CHRM3: variants seen among roughly 807,000 people sequenced by gnomAD.
CHRM3 encodes muscarinic acetylcholine receptor M3.
Under a neutral mutation model 41.8 loss-of-function variants are expected in CHRM3, and 11 were observed. That is an observed-to-expected ratio of 0.26 (90% CI 0.17 to 0.44). CHRM3 has a LOEUF of 0.44. Among genes scored for constraint, CHRM3 ranks in the 20% least tolerant of loss-of-function variants. The probability of loss-of-function intolerance (pLI) is 1.00; values close to 1 mark genes in which losing one functional copy is unlikely to be tolerated. For synonymous variants in CHRM3, 297 were observed against 301.4 expected, an observed-to-expected ratio of 0.99 and a Z score of 0.15; for missense variants, 571 against 745.4, an observed-to-expected ratio of 0.77 and a Z score of 2.72.
At chr1:239,658,271 C>A (rs1003634937) in intron 4 of CHRM3, among the ~76,000 whole-genome samples, 1 of 152,120 alleles carries the variant, frequency 6.6e-6, no homozygotes, top group African/African-American at 2.4e-5. Context: ...ACTGACAATA[C>A]AATTCTGATG....
At chr1:239,496,232 G>A (rs1179703488) in intron 2 of CHRM3, among the ~76,000 whole-genome samples, 3 of 152,024 alleles carry the variant, frequency 2.0e-5, no homozygotes, top group African/African-American at 7.2e-5. Context: ...GGCAGGAACT[G>A]GCCACTGGAT....
intron 1 of CHRM3, among the ~76,000 whole-genome samples, chr1:239,426,613 G>GA (rs547718912): frequency 1.3e-5 from 2 of 152,058 alleles, no homozygotes; most frequent in African/African-American, 4.8e-5. Context: ...TTAGACCTAT[G>GA]AAAAAAAGTG....
intron 1 of CHRM3, among the ~76,000 whole-genome samples, chr1:239,421,521 T>A (rs529846560): frequency 6.6e-6 from 1 of 152,338 alleles, no homozygotes; most frequent in African/African-American, 2.4e-5. Context: ...CCCTTTAAAA[T>A]GCCCTGCACC....
At chr1:239,713,998 T>C (rs971967885) in intron 5 of CHRM3, among the ~76,000 whole-genome samples, 3 of 152,198 alleles carry the variant, frequency 2.0e-5, no homozygotes, top group African/African-American at 7.2e-5. Context: ...GTAATTCATC[T>C]GTGTATGCCT....
chr1:239,815,037 A>G (rs1219728087), intron 5 of CHRM3, among the ~76,000 whole-genome samples: 1 of 151,858 alleles, frequency 6.6e-6, no homozygotes. Flanking sequence ...CGGCCTCCCA[A>G]AGTTCTGGGA....
At chr1:239,510,080 C>G (rs755635616) in intron 2 of CHRM3, among the ~76,000 whole-genome samples, 1 of 152,020 alleles carries the variant, frequency 6.6e-6, no homozygotes, top group Non-Finnish European at 1.5e-5. Context: ...CATAAGACTC[C>G]GTCACAAACA....
At chr1:239,462,695 G>A (rs560006794) in intron 1 of CHRM3, among the ~76,000 whole-genome samples, 1 of 152,176 alleles carries the variant, frequency 6.6e-6, no homozygotes, top group South Asian at 2.1e-4. Context: ...TTTACTTTTT[G>A]TACATACAGC....
intron 1 of CHRM3, among the ~76,000 whole-genome samples, chr1:239,415,107 G>A (rs570383151): frequency 6.6e-6 from 1 of 152,208 alleles, no homozygotes; most frequent in South Asian, 2.1e-4. Context: ...AAATCACATA[G>A]ACAAAATACA....
At chr1:239,553,848 G>A (rs887860153) in intron 3 of CHRM3, among the ~76,000 whole-genome samples, 1 of 152,156 alleles carries the variant, frequency 6.6e-6, no homozygotes, top group Admixed American at 6.5e-5. Flanking sequence ...AAATGTAGGG[G>A]CAAACAAGCC....
At chr1:239,627,806 T>C (rs1669161944) in intron 3 of CHRM3, among the ~76,000 whole-genome samples, 1 of 149,788 alleles carries the variant, frequency 6.7e-6, no homozygotes, top group African/African-American at 2.5e-5. Flanking sequence ...AAAATTCTTT[T>C]CTTTAAGAAC....
chr1:239,585,981 C>T (rs1663356278), intron 3 of CHRM3, among the ~76,000 whole-genome samples: 1 of 152,134 alleles, frequency 6.6e-6, no homozygotes, highest in Non-Finnish European at 1.5e-5. Flanking sequence ...ATAATTTTGC[C>T]TAGGAGAACT....
intron 5 of CHRM3, among the ~76,000 whole-genome samples, chr1:239,816,577 GGT>G (rs1470993254): frequency 6.6e-6 from 1 of 151,964 alleles, no homozygotes; most frequent in Non-Finnish European, 1.5e-5. Flanking sequence ...CCCTTCTCCT[GGT>G]CCAGGAAGTA....
At chr1:239,463,051 G>C (rs1225464002) in intron 1 of CHRM3, among the ~76,000 whole-genome samples, 1 of 152,180 alleles carries the variant, frequency 6.6e-6, no homozygotes, top group African/African-American at 2.4e-5. Flanking sequence ...AAACCAGACT[G>C]TGTATAACTA....
At chr1:239,779,826 T>C (rs112187179) in intron 5 of CHRM3, among the ~76,000 whole-genome samples, 4,130 of 152,360 alleles carry the variant, frequency 0.027, 77 homozygotes, top group South Asian at 0.068. Flanking sequence ...CAGCCACTGA[T>C]CTTTTTACTG....
intron 4 of CHRM3, among the ~76,000 whole-genome samples, chr1:239,657,493 C>G (rs1672816460): frequency 6.6e-6 from 1 of 152,154 alleles, no homozygotes; most frequent in Non-Finnish European, 1.5e-5. Flanking sequence ...TGAAGTTGAG[C>G]TAACAAAGAA....
chr1:239,392,286 T>G (rs1479346959), intron 1 of CHRM3, among the ~76,000 whole-genome samples: 1 of 152,208 alleles, frequency 6.6e-6, no homozygotes, highest in African/African-American at 2.4e-5. Flanking sequence ...ATTCTCCTTG[T>G]CTGTCATTGT....
At chr1:239,579,003 T>C (rs1662626021) in intron 3 of CHRM3, among the ~76,000 whole-genome samples, 1 of 152,258 alleles carries the variant, frequency 6.6e-6, no homozygotes. Flanking sequence ...AGTATCTCAC[T>C]GTTCCATTAC....
chr1:239,837,603 A>G (rs1428040607), intron 6 of CHRM3, among the ~76,000 whole-genome samples: 1 of 152,260 alleles, frequency 6.6e-6, no homozygotes, highest in Non-Finnish European at 1.5e-5. Context: ...GAAGCACAGC[A>G]GTAAGCACAG....
Position 239,404,024 on chromosome 1 carries a change from C to T in CHRM3, c.-521+16797C>T, listed in dbSNP as rs551457468. 2.1e-4 allele frequency among the ~76,000 whole-genome samples: 19 copies of T among 92,282 alleles called. 1 individual carries two copies. The highest frequency in any genetic ancestry group is 1.9e-3 in the Admixed American group (19 of 10,022). 60.5% of individuals were successfully genotyped at this position (92,282 alleles called of 152,430 possible). ...GAGAGAGAGAGAGAGATACCTGGCT[C>T]GGTGGCTCACGCCTGTAATCCCAGC... On this transcript the variant is annotated intron_variant, in intron 1 of 6. Coordinates refer to ENST00000676153, the MANE Select transcript of CHRM3 (RefSeq NM_001375978.1).
Sources: allele counts gnomAD v4.1 joint callset (sites outside exome capture counted in the v4.1 genomes callset), GRCh38; gene constraint gnomAD v4.1.1; transcripts MANE v1.5; gene names NCBI Gene and HGNC (gene_info 2026-07-23, HGNC 2026-07-21).